Variants in GLP2R observed in about 807,000 individuals in gnomAD.
GLP2R encodes the protein glucagon-like peptide 2 receptor.
Under a neutral mutation model 68.2 loss-of-function variants are expected in GLP2R, and 59 were observed. The ratio of observed to expected loss-of-function variants is 0.87; its 90% CI spans 0.70 to 1.07. The LOEUF is 1.07. Ranked by LOEUF, GLP2R falls within the 50% of genes least tolerant of loss-of-function variation. GLP2R has a pLI of 0.00. For missense variants in GLP2R, 548 were observed against 677.4 expected (o/e 0.81, Z 2.12); for synonymous variants, 270 against 265.4 (o/e 1.02, Z -0.17).
chr17:9,873,556 C>CTTTTTTTTTTTTTTTTTTTTT lies in GLP2R; in HGVS notation c.1145+2724_1145+2744dup, dbSNP rs3073988. On this transcript the variant is annotated intron_variant, in intron 10 of 12. Coordinates refer to ENST00000262441, the MANE Select transcript of GLP2R (RefSeq NM_004246.3). ...GGATATCACAAAAACTATGCATGGA[C>CTTTTTTTTTTTTTTTTTTTTT]TTTTTTTTTTTTTTTTTTTTTTTAG... is the stretch of plus-strand genomic sequence containing the variant. Among the ~76,000 whole-genome samples the CTTTTTTTTTTTTTTTTTTTTT allele has an allele frequency of 3.5e-3, 182 of 52,038 alleles. 34 individuals carry two copies. The highest frequency in any genetic ancestry group is 5.3e-3 in the Non-Finnish European group (156 of 29,428). 34.1% of individuals were successfully genotyped at this position (52,038 alleles called of 152,430 possible).
At chr17:9,889,016 C>T (rs575593979) in intron 12 of GLP2R, among the ~76,000 whole-genome samples, 2 of 152,288 alleles carry the variant, frequency 1.3e-5, no homozygotes, top group Non-Finnish European at 2.9e-5. Context: ...TCTATGTAAG[C>T]TTCTTGACAG....
At chr17:9,874,653 C>A (rs2067128199) in intron 10 of GLP2R, among the ~76,000 whole-genome samples, 1 of 152,040 alleles carries the variant, frequency 6.6e-6, no homozygotes. Context: ...GCTGACTGAC[C>A]CCAGCTGAGC....
Position 9,890,887 on chromosome 17 carries a change from G to A in GLP2R, c.*1182G>A, listed in dbSNP as rs932924302. 6.6e-6 allele frequency: 1 copy of A among 152,276 alleles called. No individual in the cohort carries two copies. The highest frequency in any genetic ancestry group is 2.4e-5 in the African/African-American group (1 of 41,436). The allele number at this position is 152,276 out of a possible 1,614,324, so 9.4% of individuals were successfully genotyped here. ...CTGCCTACTGTGACCCATGGAGGCTGAGGAGGGCCCAGGCAGTTGGGGTCA... is the reference window on the plus strand; with the variant it reads ...CTGCCTACTGTGACCCATGGAGGCTAAGGAGGGCCCAGGCAGTTGGGGTCA... On this transcript the variant is annotated 3_prime_UTR_variant, in exon 13 of 13. Transcript: ENST00000262441.
chr17:9,836,595 T>C lies in GLP2R; in HGVS notation c.382+120T>C, dbSNP rs1442662939. The C allele has an allele frequency of 1.8e-5, 11 of 623,438 alleles. No individual in the cohort carries two copies. The East Asian group carries it at 3.0e-4, about 17-fold the overall frequency. 38.6% of individuals were successfully genotyped at this position (623,438 alleles called of 1,614,324 possible). A position where few individuals can be genotyped will look rare whatever the true frequency, so the allele number is the denominator to read the frequency against. On this transcript the variant is annotated intron_variant, in intron 3 of 12. Coordinates refer to ENST00000262441, the MANE Select transcript of GLP2R (RefSeq NM_004246.3). ...ACATCTTCCTTCTGTAATTTTTCTA[T>C]TCCTGGATGTTCCATTTATTTTTAT...
At chr17:9,837,324 A>T (rs1390200745) in intron 3 of GLP2R, among the ~76,000 whole-genome samples, 1 of 152,130 alleles carries the variant, frequency 6.6e-6, no homozygotes, top group East Asian at 1.9e-4. Context: ...CCATGAGTTC[A>T]ATTGTTTTGA....
intron 3 of GLP2R, among the ~76,000 whole-genome samples, chr17:9,840,878 T>A (rs1308556305): frequency 6.6e-6 from 1 of 151,966 alleles, no homozygotes; most frequent in African/African-American, 2.4e-5. Context: ...CAGATGTGGC[T>A]GTGGTGAAGA....
In GLP2R at chr17:9,840,605, A is replaced by T. The variant is rs117601892; in HGVS notation, c.383-1890A>T. Reference sequence around the variant, plus strand: ...AGACAGACAATTATCAATAAGCATCATAAATAAGTGCAGACTATGTTTGAA... The same window carrying T: ...AGACAGACAATTATCAATAAGCATCTTAAATAAGTGCAGACTATGTTTGAA... On this transcript the variant is annotated intron_variant, in intron 3 of 12. Coordinates refer to ENST00000262441, the MANE Select transcript of GLP2R (RefSeq NM_004246.3). Among the ~76,000 whole-genome samples the T allele has an allele frequency of 6.8e-3, 1,035 of 152,356 alleles. 4 individuals carry two copies. Among genetic ancestry groups the T allele is most frequent in the Middle Eastern group, 0.017 (5 of 294 alleles).
At chr17:9,853,054 T>C (rs539770602) in intron 4 of GLP2R, 9 of 512,578 alleles carry the variant, frequency 1.8e-5, no homozygotes, top group African/African-American at 3.9e-5. Flanking sequence ...ATGGAAACCA[T>C]TGGCTGTACA....
rs948371059 is a variant in GLP2R at position 9,890,189 on chromosome 17, G to A, written c.*484G>A. ...AGTCTGGGACCATGGCCAGGAATTG[G>A]AGCTGTTTAATAAGCATCCCAGGTA... On this transcript the variant is annotated 3_prime_UTR_variant, in exon 13 of 13. Transcript: ENST00000262441. 1.3e-5 allele frequency: 5 copies of A among 388,862 alleles called. No homozygotes were observed. Among genetic ancestry groups the A allele is most frequent in the African/African-American group, 8.4e-5 (4 of 47,586 alleles). 24.1% of individuals were successfully genotyped at this position (388,862 alleles called of 1,614,324 possible).
At chr17:9,866,318 G>A (rs4791898) in intron 9 of GLP2R, 79,745 of 174,088 alleles carry the variant, frequency 0.46, 19,468 homozygotes, top group African/African-American at 0.63. Flanking sequence ...ACATTTGGCT[G>A]TGTCTGGAGA....
At chr17:9,880,749 G>A (rs1163643182) in intron 11 of GLP2R, among the ~76,000 whole-genome samples, 1 of 152,188 alleles carries the variant, frequency 6.6e-6, no homozygotes, top group Non-Finnish European at 1.5e-5. Flanking sequence ...TTCCTGGGTG[G>A]TAATAGTTGG....
Position 9,857,975 on chromosome 17 carries a change from A to T in GLP2R, c.765+399A>T, listed in dbSNP as rs778143998. 9.9e-5 allele frequency among the ~76,000 whole-genome samples: 15 copies of T among 152,242 alleles called. No individual in the cohort carries two copies. In the South Asian group the frequency reaches 1.0e-3, roughly 10 times the overall value. ...GATTGCGTCTGACCTGAACATGTAC[A>T]GACTTTTTTTTCCTTGTCATTATTC... On this transcript the variant is annotated intron_variant, in intron 6 of 12. Coordinates refer to ENST00000262441, the MANE Select transcript of GLP2R (RefSeq NM_004246.3).
In GLP2R at chr17:9,890,353, A is replaced by T. The variant is rs2067281159; in HGVS notation, c.*648A>T. ...GCTGGGGTGTGCCTGCCCTCCTTGG[A>T]GAGTATGTAACTCCACCCACCAGAG... On this transcript the variant is annotated 3_prime_UTR_variant, in exon 13 of 13. Transcript: ENST00000262441. 3 of 288,642 alleles carry T rather than the reference A, an allele frequency of 1.0e-5. No homozygotes were observed. The highest frequency in any genetic ancestry group is 6.7e-5 in the African/African-American group (3 of 44,782). 17.9% of individuals were successfully genotyped at this position (288,642 alleles called of 1,614,324 possible).
chr17:9,842,463 G>C, intron 3 of GLP2R, 32 bp from the exon 4 acceptor site: 1 of 1,613,590 alleles, frequency 6.2e-7, no homozygotes, highest in Middle Eastern at 1.7e-4. Flanking sequence ...TGTGTGTTCT[G>C]ACCTTTCCTC....
intron 9 of GLP2R, among the ~76,000 whole-genome samples, chr17:9,862,851 G>T (rs1382592106): frequency 6.6e-6 from 1 of 152,150 alleles, no homozygotes; most frequent in African/African-American, 2.4e-5. Flanking sequence ...TTCCCCAAGG[G>T]GTTGCTGGAT....
intron 10 of GLP2R, among the ~76,000 whole-genome samples, chr17:9,876,363 G>A (rs561809279): frequency 3.9e-5 from 6 of 152,300 alleles, no homozygotes; most frequent in African/African-American, 1.4e-4. Flanking sequence ...TATGACGTAG[G>A]AGACTTCATA....
chr17:9,859,876 C>A, intron 6 of GLP2R, 66 bp from the exon 7 acceptor site: 2 of 940,370 alleles, frequency 2.1e-6, no homozygotes, highest in Non-Finnish European at 3.0e-6. Context: ...GGAGGCCCTT[C>A]TCCCCCGACT....
rs142607856 is a variant in GLP2R, at chr17:9,870,711, G to A, written c.1057-36G>A. On this transcript the variant is annotated intron_variant, in intron 9 of 12. Coordinates refer to ENST00000262441, the MANE Select transcript of GLP2R (RefSeq NM_004246.3). ...TGAAGTTCACAGCTATGTGGAATTC[G>A]TCACTTACTTACCCAATTCTGCTCT... 459 of 958,258 alleles carry A rather than the reference G, an allele frequency of 4.8e-4. 3 individuals are homozygous for A. The East Asian group carries it at 5.2e-3, about 11-fold the overall frequency. 59.4% of individuals were successfully genotyped at this position (958,258 alleles called of 1,614,324 possible). A position where few individuals can be genotyped will look rare whatever the true frequency, so the allele number is the denominator to read the frequency against.
At chr17:9,861,352 A>C (rs2152040162) in intron 8 of GLP2R, among the ~76,000 whole-genome samples, 153 bp downstream of exon 8, 1 of 152,242 alleles carries the variant, frequency 6.6e-6, no homozygotes, top group East Asian at 1.9e-4. Flanking sequence ...TAAAATAATC[A>C]GAGATCTTAT....
Sources: gnomAD v4.1 joint callset for allele counts (sites outside exome capture counted in the v4.1 genomes callset) on GRCh38, gnomAD v4.1.1 for gene constraint, MANE v1.5 for transcripts, NCBI Gene and HGNC (gene_info 2026-07-23, HGNC 2026-07-21) for gene names.